Variants in NRXN3 observed in about 807,000 individuals in gnomAD.
NRXN3 encodes the protein neurexin III.
Under a neutral mutation model 137.6 loss-of-function variants are expected in NRXN3, and 32 were observed. That is an observed-to-expected ratio of 0.23 (90% CI 0.18 to 0.31). NRXN3 has a LOEUF of 0.31. Among genes scored for constraint, NRXN3 ranks in the 10% least tolerant of loss-of-function variants. The pLI is 1.00. For synonymous variants in NRXN3, 798 were observed against 784.5 expected (o/e 1.02, Z -0.29); for missense variants, 1,574 against 2,062.5 (o/e 0.76, Z 4.59).
intron 1 of NRXN3, among the ~76,000 whole-genome samples, chr14:78,223,862 C>G (rs2064146323): frequency 6.6e-6 from 1 of 152,172 alleles, no homozygotes; most frequent in Non-Finnish European, 1.5e-5. Context: ...CATTCTCACT[C>G]TTTTGGATTA....
chr14:79,147,094 G>T (rs892641987), intron 15 of NRXN3, among the ~76,000 whole-genome samples: 8 of 152,104 alleles, frequency 5.3e-5, no homozygotes, highest in Admixed American at 2.0e-4. Flanking sequence ...ACATCCAAAT[G>T]GGTGTAAGAG....
intron 15 of NRXN3, 42 bp from the exon 16 acceptor site, chr14:79,467,179 A>G (rs376924946): frequency 6.4e-7 from 1 of 1,557,010 alleles, no homozygotes; most frequent in Non-Finnish European, 8.8e-7. Flanking sequence ...GGCTGTATGC[A>G]ATGTAGTGCC....
At chr14:78,589,724 G>A (rs994492848) in intron 4 of NRXN3, among the ~76,000 whole-genome samples, 18 of 152,180 alleles carry the variant, frequency 1.2e-4, no homozygotes, top group African/African-American at 4.1e-4. Flanking sequence ...GACATGCCTG[G>A]GGCAGCAGGT....
chr14:78,608,195 G>A (rs2097268422), intron 4 of NRXN3, among the ~76,000 whole-genome samples: 1 of 152,180 alleles, frequency 6.6e-6, no homozygotes, highest in Non-Finnish European at 1.5e-5. Flanking sequence ...GTCACTTGCT[G>A]TCCACTGGCA....
chr14:79,343,531 G>T (rs1367109536), intron 15 of NRXN3, among the ~76,000 whole-genome samples: 1 of 152,136 alleles, frequency 6.6e-6, no homozygotes, highest in African/African-American at 2.4e-5. Flanking sequence ...GTGTCACCTA[G>T]AGCATTTTTT....
chr14:79,257,861 T>C (rs1017552840), intron 15 of NRXN3, among the ~76,000 whole-genome samples: 2 of 151,976 alleles, frequency 1.3e-5, no homozygotes, highest in African/African-American at 4.8e-5. Flanking sequence ...CTTAAGAAAT[T>C]AACTTATAGG....
At chr14:79,205,393 T>A (rs529837207) in intron 15 of NRXN3, among the ~76,000 whole-genome samples, 1 of 152,208 alleles carries the variant, frequency 6.6e-6, no homozygotes, top group Non-Finnish European at 1.5e-5. Flanking sequence ...CAAAGATGAC[T>A]AGAGGTCTAC....
At chr14:79,330,956 G>A (rs1409726089) in intron 15 of NRXN3, among the ~76,000 whole-genome samples, 4 of 152,094 alleles carry the variant, frequency 2.6e-5, no homozygotes, top group East Asian at 1.9e-4. Context: ...GCTCAGTAAC[G>A]TTTCACTTAG....
intron 16 of NRXN3, among the ~76,000 whole-genome samples, chr14:79,531,252 T>A (rs923792446): frequency 2.6e-5 from 4 of 152,210 alleles, no homozygotes; most frequent in African/African-American, 9.6e-5. Flanking sequence ...CCCCATGTGA[T>A]CTCTAAGAAG....
In NRXN3 at chr14:78,709,640, C is replaced by T. The variant is rs2098388177; in HGVS notation, c.1645C>T (p.Arg549Ter). The change falls in exon 7 of 21, where the codon CGA (arginine) becomes TGA (stop). Residue 549 changes from arginine to a stop codon, truncating the protein, a stop_gained. Transcript: ENST00000335750. LOFTEE classifies it high-confidence loss of function. Reference sequence around the variant, plus strand: ...GGAATGGTACCATGTGGACATTCAGCGAGATGGCAGATCAGGTAGGAAGAG... The same window carrying T: ...GGAATGGTACCATGTGGACATTCAGTGAGATGGCAGATCAGGTAGGAAGAG... ...DGEWYHVDIQ[R>*]DGRSGTISVN... 1 of 1,610,642 alleles carries T rather than the reference C, an allele frequency of 6.2e-7. No individual in the cohort carries two copies. Among genetic ancestry groups the T allele is most frequent in the Non-Finnish European group, 8.5e-7 (1 of 1,178,804 alleles).
At chr14:79,451,042 G>A (rs774615611) in intron 15 of NRXN3, among the ~76,000 whole-genome samples, 1 of 151,922 alleles carries the variant, frequency 6.6e-6, no homozygotes, top group East Asian at 1.9e-4. Flanking sequence ...GACAAATTCT[G>A]TAACTTCCCA....
At chr14:79,367,274 C>T (rs188233320) in intron 15 of NRXN3, among the ~76,000 whole-genome samples, 6 of 152,324 alleles carry the variant, frequency 3.9e-5, no homozygotes, top group East Asian at 3.9e-4. Context: ...TGAGCCACCA[C>T]GCCCTGCCCC....
chr14:78,730,308 C>T (rs1223067531), intron 8 of NRXN3, among the ~76,000 whole-genome samples: 1 of 152,166 alleles, frequency 6.6e-6, no homozygotes, highest in Non-Finnish European at 1.5e-5. Flanking sequence ...GTGGATGATA[C>T]CCTTTTGTTC....
intron 15 of NRXN3, among the ~76,000 whole-genome samples, chr14:79,231,380 A>T (rs908722024): frequency 6.6e-6 from 1 of 152,178 alleles, no homozygotes; most frequent in African/African-American, 2.4e-5. Flanking sequence ...GTGGGTGCCT[A>T]TTAGTGTCAT....
chr14:78,825,196 C>CAAAAAAAAAAAAAAA (rs11335474), intron 10 of NRXN3, among the ~76,000 whole-genome samples: 1 of 75,820 alleles, frequency 1.3e-5, no homozygotes, highest in Non-Finnish European at 2.7e-5. Flanking sequence ...GACTCTGCCT[C>CAAAAAAAAAAAAAAA]AAAAAAAAAA....
At chr14:78,247,114 T>C (rs2067807089) in intron 2 of NRXN3, among the ~76,000 whole-genome samples, 1 of 152,236 alleles carries the variant, frequency 6.6e-6, no homozygotes, top group Admixed American at 6.5e-5. Flanking sequence ...AGGCGCCTTC[T>C]GTGGTCCATT....
intron 15 of NRXN3, among the ~76,000 whole-genome samples, chr14:79,373,314 T>TG (rs1375274610): frequency 2.0e-5 from 3 of 151,978 alleles, no homozygotes; most frequent in Non-Finnish European, 4.4e-5. Flanking sequence ...AATTATGTTC[T>TG]GGGGGGAAAA....
chr14:78,536,491 G>A (rs376160935), intron 4 of NRXN3, among the ~76,000 whole-genome samples: 1 of 152,286 alleles, frequency 6.6e-6, no homozygotes, highest in South Asian at 2.1e-4. Flanking sequence ...AGTAGATCTC[G>A]ATACCAGGAT....
intron 20 of NRXN3, among the ~76,000 whole-genome samples, chr14:79,821,668 C>CT (rs5809961): frequency 0.64 from 77,277 of 121,398 alleles, 25,138 homozygotes; most frequent in East Asian, 0.91. Context: ...AAGCTAAGAC[C>CT]TTTTTTTTTT....
Sources: gnomAD v4.1 joint callset for allele counts (sites outside exome capture counted in the v4.1 genomes callset) on GRCh38, gnomAD v4.1.1 for gene constraint, MANE v1.5 for transcripts, NCBI Gene and HGNC (gene_info 2026-07-23, HGNC 2026-07-21) for gene names.